EYS: variants seen among roughly 807,000 people sequenced by gnomAD.
EYS encodes the protein EGF-like photoreceptor maintenance factor, also known as protein eyes shut homolog.
In EYS, 250 loss-of-function variants were observed where a neutral mutation model predicts 282.1. That is an observed-to-expected ratio of 0.89 (90% CI 0.80 to 0.98). EYS has a LOEUF of 0.98. Among genes scored for constraint, EYS ranks in the 50% least tolerant of loss-of-function variants. EYS has a pLI of 0.00. For missense variants in EYS, 4,016 were observed against 3,709.0 expected (o/e 1.08, Z -2.15); for synonymous variants, 1,355 against 1,282.9 (o/e 1.06, Z -1.20).
intron 39 of EYS, among the ~76,000 whole-genome samples, chr6:63,779,893 C>T (rs994594215): frequency 2.1e-4 from 32 of 152,108 alleles, no homozygotes; most frequent in Non-Finnish European, 2.9e-4. Flanking sequence ...GCTATCCCTC[C>T]GCACTCCCCC....
chr6:65,412,744 A>AT (rs1292373218), intron 5 of EYS, among the ~76,000 whole-genome samples: 2 of 151,990 alleles, frequency 1.3e-5, no homozygotes, highest in Non-Finnish European at 2.9e-5. Flanking sequence ...GTCCTTTGTC[A>AT]TATATGTGGT....
At chr6:64,221,117 CA>C (rs1394452273) in intron 31 of EYS, among the ~76,000 whole-genome samples, 2 of 152,120 alleles carry the variant, frequency 1.3e-5, no homozygotes, top group African/African-American at 4.8e-5. Context: ...GAGTTTAGGA[CA>C]GTGTGTATGT....
intron 26 of EYS, among the ~76,000 whole-genome samples, chr6:64,465,447 G>T (rs1775885822): frequency 6.6e-6 from 1 of 152,076 alleles, no homozygotes; most frequent in Admixed American, 6.5e-5. Flanking sequence ...AGAGAGTCCA[G>T]AAACAAATAT....
chr6:64,360,090 A>G (rs1449082683), intron 29 of EYS, among the ~76,000 whole-genome samples: 4 of 151,732 alleles, frequency 2.6e-5, no homozygotes, highest in Non-Finnish European at 5.9e-5. Context: ...AAGAAAAACT[A>G]AAACACTAAA....
chr6:65,494,444 A>ATT (rs375015756), intron 4 of EYS, among the ~76,000 whole-genome samples: 11 of 147,620 alleles, frequency 7.5e-5, no homozygotes, highest in African/African-American at 2.0e-4. Context: ...TGCTCGGCTA[A>ATT]TTTTTTTTTT....
At chr6:65,678,931 G>A (rs568799425) in intron 1 of EYS, among the ~76,000 whole-genome samples, 1 of 151,242 alleles carries the variant, frequency 6.6e-6, no homozygotes, top group East Asian at 2.0e-4. Flanking sequence ...CCCTCTTATA[G>A]ATGGCCGACA....
intron 19 of EYS, among the ~76,000 whole-genome samples, chr6:64,857,060 C>G (rs1005815600): frequency 6.6e-6 from 1 of 152,076 alleles, no homozygotes; most frequent in African/African-American, 2.4e-5. Context: ...GTTGCCTTTG[C>G]TCTTTGTAAA....
intron 15 of EYS, among the ~76,000 whole-genome samples, chr6:64,934,021 T>A (rs909775976): frequency 1.3e-5 from 2 of 151,746 alleles, no homozygotes; most frequent in Admixed American, 6.6e-5. Context: ...AAATACCTAA[T>A]GTAAATGATG....
At chr6:65,009,780 C>G (rs1201426975) in intron 13 of EYS, among the ~76,000 whole-genome samples, 1 of 152,176 alleles carries the variant, frequency 6.6e-6, no homozygotes, top group Non-Finnish European at 1.5e-5. Context: ...ACAAAAGGCT[C>G]AGCTCTGCTC....
chr6:65,526,416 C>T (rs894087910), intron 2 of EYS, among the ~76,000 whole-genome samples: 1 of 152,166 alleles, frequency 6.6e-6, no homozygotes, highest in African/African-American at 2.4e-5. Context: ...CATCACTCTT[C>T]TTATCTCTCA....
At chr6:64,813,266 T>C in intron 22 of EYS, 112 bp downstream of exon 22, 2 of 708,962 alleles carry the variant, frequency 2.8e-6, no homozygotes, top group Admixed American at 3.8e-5. Context: ...ATATATAAGG[T>C]AAAATCTTAC....
At chr6:64,120,029 GT>G (rs150013542) in intron 31 of EYS, among the ~76,000 whole-genome samples, 1 of 151,914 alleles carries the variant, frequency 6.6e-6, no homozygotes, top group East Asian at 1.9e-4. Context: ...ATATTATTGT[GT>G]TTTTTTAAGT....
chr6:65,663,681 ATTTAT>A (rs1359291752), intron 1 of EYS, among the ~76,000 whole-genome samples: 2 of 151,710 alleles, frequency 1.3e-5, no homozygotes, highest in Non-Finnish European at 2.9e-5. Context: ...ATCTTTATTT[ATTTAT>A]TTATTTATTT....
chr6:64,655,316 A>G (rs1483627830), intron 22 of EYS, among the ~76,000 whole-genome samples: 4 of 149,974 alleles, frequency 2.7e-5, no homozygotes, highest in African/African-American at 9.9e-5. Flanking sequence ...TAAAATAAGT[A>G]GGTTTCATAT....
At chr6:65,227,253 T>C (rs1766652085) in intron 12 of EYS, among the ~76,000 whole-genome samples, 1 of 151,890 alleles carries the variant, frequency 6.6e-6, no homozygotes, top group South Asian at 2.1e-4. Context: ...TTCCACAATA[T>C]ATGACATGTC....
chr6:65,243,987 A>G (rs957066269), intron 12 of EYS, among the ~76,000 whole-genome samples: 1 of 152,202 alleles, frequency 6.6e-6, no homozygotes, highest in Non-Finnish European at 1.5e-5. Context: ...ACCAATAAAG[A>G]TAAGTTCACT....
At chr6:65,576,885 AAAACTCT>A (rs1259979619) in intron 2 of EYS, among the ~76,000 whole-genome samples, 2 of 151,830 alleles carry the variant, frequency 1.3e-5, no homozygotes, top group East Asian at 3.9e-4. Flanking sequence ...TTGTATACTG[AAAACTCT>A]AAACACTGAT....
chr6:64,112,942 T>C (rs1222205570), intron 31 of EYS, among the ~76,000 whole-genome samples: 2 of 151,816 alleles, frequency 1.3e-5, no homozygotes, highest in Admixed American at 1.3e-4. Flanking sequence ...CAGGAGACAC[T>C]GCACTGGCAT....
chr6:65,690,089 C>CTGTATGTAGAAGCACAGTACATT, intron 1 of EYS, among the ~76,000 whole-genome samples: 1 of 150,194 alleles, frequency 6.7e-6, no homozygotes, highest in South Asian at 2.1e-4. Context: ...AACATAACAT[C>CTGTATGTAGAAGCACAGTACATT]TGTATGCAGA....
Sources: gnomAD v4.1 joint callset for allele counts (sites outside exome capture counted in the v4.1 genomes callset) on GRCh38, gnomAD v4.1.1 for gene constraint, MANE v1.5 for transcripts, NCBI Gene and HGNC (gene_info 2026-07-23, HGNC 2026-07-21) for gene names.